Variants in INPP4A observed in about 807,000 individuals in gnomAD.
INPP4A encodes the protein inositol polyphosphate-4-phosphatase, type I, 107kD.
In INPP4A, 33 loss-of-function variants were observed where a neutral mutation model predicts 119.8. That is an observed-to-expected ratio of 0.28 (90% CI 0.21 to 0.37). The LOEUF (loss-of-function observed/expected upper bound fraction) is 0.37, where lower values mean the gene tolerates loss of function less well. Ranked by LOEUF, INPP4A falls within the 10% of genes least tolerant of loss-of-function variation. The probability of loss-of-function intolerance (pLI) is 1.00; values close to 1 mark genes in which losing one functional copy is unlikely to be tolerated. For synonymous variants in INPP4A, 496 were observed against 500.7 expected (o/e 0.99, Z 0.12); for missense variants, 956 against 1,289.9 (o/e 0.74, Z 3.97).
chr2:98,545,850 C>T (rs1692384401), intron 11 of INPP4A, 119 bp from the exon 12 acceptor site: 1 of 673,982 alleles, frequency 1.5e-6, no homozygotes, highest in African/African-American at 1.8e-5. Flanking sequence ...ATCTTCTAGG[C>T]CACTGCCGAC....
At chr2:98,550,627 C>T (rs555172791) in intron 13 of INPP4A, among the ~76,000 whole-genome samples, 10 of 152,320 alleles carry the variant, frequency 6.6e-5, no homozygotes, top group Admixed American at 2.6e-4. Context: ...TCCATCCTGC[C>T]GCCCTCATGT....
intron 1 of INPP4A, among the ~76,000 whole-genome samples, chr2:98,471,440 A>C (rs1675985811): frequency 1.3e-5 from 2 of 152,206 alleles, no homozygotes; most frequent in Admixed American, 1.3e-4. Context: ...TTTAACTTAC[A>C]CTTAAGGTTT....
In INPP4A at chr2:98,555,727, G is replaced by A; in HGVS notation, c.1741G>A (p.Glu581Lys). The A allele has an allele frequency of 6.2e-7, 1 of 1,608,946 alleles. No individual in the cohort carries two copies. The highest frequency in any genetic ancestry group is 8.5e-7 in the Non-Finnish European group (1 of 1,177,434). ...PDSHAYWIRP[E>K]DPFCDVPSSP... is the part of the protein sequence containing the mutation. ...CAGCCACGCCTACTGGATCAGACCA[G>A]AAGACCCCTTCTGTGATGTCCCCTC... The change falls in exon 16 of 25, where the codon GAA becomes AAA. Residue 581 changes from glutamate to lysine, a missense_variant. By Grantham distance (56) the Glu-to-Lys change is moderately conservative (BLOSUM62 1). Transcript: ENST00000409851.
chr2:98,485,260 T>G (rs1679303660), intron 1 of INPP4A, among the ~76,000 whole-genome samples: 1 of 152,236 alleles, frequency 6.6e-6, no homozygotes, highest in Non-Finnish European at 1.5e-5. Flanking sequence ...AATAAAAACC[T>G]GTTATAATCA....
Position 98,565,649 on chromosome 2 carries a change from T to G in INPP4A, c.2162T>G (p.Leu721Arg). 1.9e-6 allele frequency: 3 copies of G among 1,607,590 alleles called. No individual in the cohort carries two copies. Among genetic ancestry groups the G allele is most frequent in the Non-Finnish European group, 2.6e-6 (3 of 1,175,020 alleles). Residue 721 changes from leucine (L) to arginine (R), a missense_variant, in exon 20 of 25, where the codon CTG becomes CGG. Around this residue, in one of 2 missense-constraint regions of INPP4A, gnomAD observed 304 missense variants for 492.1 expected, o/e 0.62. Transcript: ENST00000409851. ...ESLLSTYGEE[L>R]AMLEDMSLGI... ...CCTCTCTCATGTCCAGGGGAGGAGC[T>G]GGCAATGCTGGAGGACATGAGCCTT...
intron 1 of INPP4A, among the ~76,000 whole-genome samples, chr2:98,499,424 A>G (rs1169957501): frequency 6.6e-6 from 1 of 152,232 alleles, no homozygotes; most frequent in African/African-American, 2.4e-5. Context: ...TAATCCTCTC[A>G]TCTAGCCTTG....
intron 13 of INPP4A, among the ~76,000 whole-genome samples, chr2:98,552,119 G>A (rs145641302): frequency 0.013 from 1,925 of 152,258 alleles, 19 homozygotes; most frequent in Admixed American, 0.019. Context: ...TGAGGAGTCC[G>A]GCTTTGCCTG....
intron 24 of INPP4A, among the ~76,000 whole-genome samples, chr2:98,587,220 A>T (rs1449851894): frequency 6.6e-6 from 1 of 152,222 alleles, no homozygotes; most frequent in Non-Finnish European, 1.5e-5. Flanking sequence ...GTTTGCTTCC[A>T]CTTAGATACA....
chr2:98,458,998 T>C (rs1696649945), intron 1 of INPP4A, among the ~76,000 whole-genome samples: 1 of 152,218 alleles, frequency 6.6e-6, no homozygotes, highest in South Asian at 2.1e-4. Context: ...CCCGAAGTGC[T>C]TGATTTTGAC....
Position 98,554,415 on chromosome 2 carries a change from G to T in INPP4A, c.1492G>T (p.Asp498Tyr). The stretch of plus-strand genomic sequence containing the variant: ...GCAGGTGATGCTTAGAAATGACCAG[G>T]ACACCCTCATGGCCCGGTGGACAGG... The part of the protein sequence containing the change: ...EEQVMLRNDQ[D>Y]TLMARWTGRN... Residue 498 changes from aspartate (D) to tyrosine (Y), a missense_variant, in exon 15 of 25, where the codon GAC (aspartate) becomes TAC (tyrosine). Physicochemically the swap from Asp to Tyr is radical, Grantham distance 160 (BLOSUM62 -3). Coordinates refer to ENST00000409851, the MANE Select transcript of INPP4A (RefSeq NM_001134225.2). This position sits in a 1 kb window ranked among gnomAD's most constrained non-coding sequence, Gnocchi z 4.7. 6.2e-7 allele frequency: 1 copy of T among 1,613,908 alleles called. No homozygotes were observed.
rs769531060 is a variant in INPP4A, at chr2:98,563,515, G to A, written c.1906G>A (p.Val636Met). 18 of 1,613,720 alleles carry A rather than the reference G, an allele frequency of 1.1e-5. No homozygotes were observed. Among genetic ancestry groups the A allele is most frequent in the Admixed American group, 1.7e-5 (1 of 59,984 alleles). ...GCTGCTGACCACTCTCACCGACTGC[G>A]TGGCCATGATGAGTGACAAGGCCAA... Reference protein sequence around the residue: ...YPLLTTLTDCVAMMSDKAKKA... With the variant: ...YPLLTTLTDCMAMMSDKAKKA... The change falls in exon 18 of 25, where the codon GTG becomes ATG. Residue 636 changes from valine (V) to methionine (M), a missense_variant. Around this residue, in one of 2 missense-constraint regions of INPP4A, gnomAD observed 304 missense variants for 492.1 expected, o/e 0.62. Coordinates refer to ENST00000409851, the MANE Select transcript of INPP4A (RefSeq NM_001134225.2).
chr2:98,581,588 G>GC, intron 24 of INPP4A: 1 of 1,547,456 alleles, frequency 6.5e-7, no homozygotes, highest in Non-Finnish European at 8.7e-7. Context: ...TTGGAACACG[G>GC]GAGGTAGTCA....
intron 1 of INPP4A, among the ~76,000 whole-genome samples, chr2:98,452,003 C>A (rs149611265): frequency 6.6e-5 from 10 of 152,302 alleles, no homozygotes; most frequent in African/African-American, 2.2e-4. Flanking sequence ...TCAAGGACCT[C>A]GATTCTGCTC....
At position 98,557,302 on chromosome 2, in the gene INPP4A, T is replaced by A. The variant is rs373092665; in HGVS notation, c.1822+1494T>A. On this transcript the variant is annotated intron_variant, in intron 16 of 24. Transcript: ENST00000409851. The stretch of plus-strand genomic sequence containing the variant: ...AATGTGAAGCTTACATTTGAGAGAG[T>A]CTAACTCTGCTGATCAGTACTCAAA... 3.9e-5 allele frequency among the ~76,000 whole-genome samples: 6 copies of A among 152,120 alleles called. No individual in the cohort carries two copies. The South Asian group carries it at 1.2e-3, about 32-fold the overall frequency.
intron 24 of INPP4A, among the ~76,000 whole-genome samples, chr2:98,578,865 G>A (rs554495990): frequency 6.6e-6 from 1 of 152,320 alleles, no homozygotes; most frequent in South Asian, 2.1e-4. Flanking sequence ...CGGACATTTG[G>A]ATACATACTG....
chr2:98,466,164 G>C (rs536845315), intron 1 of INPP4A, among the ~76,000 whole-genome samples: 4 of 152,198 alleles, frequency 2.6e-5, no homozygotes, highest in African/African-American at 9.7e-5. Flanking sequence ...TCCTGCCTCA[G>C]CCTCTTGAGT....
At chr2:98,498,199 A>C (rs1387721232) in intron 1 of INPP4A, among the ~76,000 whole-genome samples, 2 of 152,052 alleles carry the variant, frequency 1.3e-5, no homozygotes, top group African/African-American at 4.8e-5. Context: ...TTGTACTCCC[A>C]TAATTCCCAT....
intron 1 of INPP4A, among the ~76,000 whole-genome samples, chr2:98,465,979 C>T (rs1674687535): frequency 6.6e-6 from 1 of 152,108 alleles, no homozygotes. Flanking sequence ...ACAAGTCTCA[C>T]TCCAGCCCTC....
chr2:98,494,337 G>T (rs1182226777), intron 1 of INPP4A, among the ~76,000 whole-genome samples: 1 of 152,170 alleles, frequency 6.6e-6, no homozygotes, highest in Non-Finnish European at 1.5e-5. Context: ...TGGGTCCCCA[G>T]TTGCCCTTTG....
Sources: gnomAD v4.1 joint callset for allele counts (sites outside exome capture counted in the v4.1 genomes callset) on GRCh38, gnomAD v4.1.1 for gene constraint, gnomAD v4.1.1 regional missense constraint, Gnocchi (gnomAD v3.1) non-coding constraint, MANE v1.5 for transcripts, NCBI Gene and HGNC (gene_info 2026-07-23, HGNC 2026-07-21) for gene names.